UBAC1: variants seen among roughly 807,000 people sequenced by gnomAD.
UBAC1 encodes ubiquitin-associated domain-containing protein 1.
UBAC1 carries 27 observed loss-of-function variants against 45.9 expected under a neutral mutation model. That is an observed-to-expected ratio of 0.59 (90% CI 0.43 to 0.81). The LOEUF (loss-of-function observed/expected upper bound fraction) is 0.81, where lower values mean the gene tolerates loss of function less well. Ranked by LOEUF, UBAC1 falls within the 30% of genes least tolerant of loss-of-function variation. The pLI is 0.00. For synonymous variants in UBAC1, 227 were observed against 215.5 expected (o/e 1.05, Z -0.47); for missense variants, 529 against 539.2 (o/e 0.98, Z 0.19).
chr9:135,953,521 T>C (rs902439970), intron 3 of UBAC1, among the ~76,000 whole-genome samples, 159 bp downstream of exon 3: 1 of 152,146 alleles, frequency 6.6e-6, no homozygotes, highest in Non-Finnish European at 1.5e-5. Context: ...GGTTTCACCA[T>C]ATTTGCCAGG....
Position 135,961,011 on chromosome 9 carries a change from G to A in UBAC1, c.138+14C>T. The A allele has an allele frequency of 6.5e-7, 1 of 1,538,688 alleles. No homozygotes were observed. Among genetic ancestry groups the A allele is most frequent in the Non-Finnish European group, 8.7e-7 (1 of 1,146,914 alleles). ...GAGCGGGTGTTGGGGGCAGGGGAGGGGGCCCGGCCTTACGTGCTTGAGGCA... is the reference window on the plus strand; with the variant it reads ...GAGCGGGTGTTGGGGGCAGGGGAGGAGGCCCGGCCTTACGTGCTTGAGGCA... On this transcript the variant is annotated intron_variant, in intron 1 of 9. Coordinates refer to ENST00000371756, the MANE Select transcript of UBAC1 (RefSeq NM_016172.3).
chr9:135,942,591 G>A (rs1839282475), intron 7 of UBAC1, among the ~76,000 whole-genome samples: 5 of 151,068 alleles, frequency 3.3e-5, no homozygotes, highest in Admixed American at 2.6e-4. Context: ...GGTCAAGGCT[G>A]CAGTGAGCCA....
chr9:135,958,620 G>A (rs771806528), intron 1 of UBAC1, among the ~76,000 whole-genome samples: 1 of 152,214 alleles, frequency 6.6e-6, no homozygotes, highest in Non-Finnish European at 1.5e-5. Context: ...GCGTCAGCAC[G>A]CACTGGGGAC....
At chr9:135,938,455 G>A in intron 8 of UBAC1, 95 bp from the exon 9 acceptor site, 1 of 1,473,280 alleles carries the variant, frequency 6.8e-7, no homozygotes, top group Non-Finnish European at 9.1e-7. Context: ...GCACCTTTCT[G>A]TGAGTTCCTG....
intron 1 of UBAC1, among the ~76,000 whole-genome samples, chr9:135,960,247 A>T (rs1035586830): frequency 6.6e-6 from 1 of 152,204 alleles, no homozygotes; most frequent in Non-Finnish European, 1.5e-5. Context: ...GACCTTACTG[A>T]GTCCTTTAGA....
At chr9:135,944,899 TTCTC>T (rs1191469193) in intron 7 of UBAC1, 125 bp downstream of exon 7, 3 of 932,088 alleles carry the variant, frequency 3.2e-6, no homozygotes, top group African/African-American at 1.7e-5. Context: ...CTTCCCCAGC[TTCTC>T]TCTCTCCTGG....
At chr9:135,948,010 T>G in intron 3 of UBAC1, 105 bp from the exon 4 acceptor site, 2 of 1,076,114 alleles carry the variant, frequency 1.9e-6, no homozygotes, top group South Asian at 1.5e-5. Flanking sequence ...TCCGTCTCCT[T>G]TAGGAGCCAG....
intron 1 of UBAC1, among the ~76,000 whole-genome samples, chr9:135,956,236 G>C (rs955539286): frequency 2.0e-5 from 3 of 152,202 alleles, no homozygotes; most frequent in Non-Finnish European, 4.4e-5. Context: ...GGAAGTTGGA[G>C]CAGACGGCCA....
chr9:135,944,393 A>G (rs530567884), intron 7 of UBAC1, among the ~76,000 whole-genome samples: 6 of 152,330 alleles, frequency 3.9e-5, no homozygotes, highest in Admixed American at 3.9e-4. Flanking sequence ...GCCACACGAG[A>G]CGACAGCATG....
chr9:135,955,542 G>A, intron 1 of UBAC1, 127 bp from the exon 2 acceptor site: 1 of 1,055,974 alleles, frequency 9.5e-7, no homozygotes, highest in Non-Finnish European at 1.3e-6. Flanking sequence ...ATTACACCAT[G>A]GATGAAATTA....
chr9:135,957,321 C>T (rs978766562), intron 1 of UBAC1, among the ~76,000 whole-genome samples: 33 of 152,138 alleles, frequency 2.2e-4, no homozygotes, highest in African/African-American at 7.2e-4. Context: ...GACAATGGCT[C>T]TGCTCCCTGA....
chr9:135,944,145 A>T (rs1839298854), intron 7 of UBAC1, among the ~76,000 whole-genome samples: 1 of 152,224 alleles, frequency 6.6e-6, no homozygotes, highest in South Asian at 2.1e-4. Context: ...ATTTTAAAAG[A>T]AACAAAGAAA....
At position 135,938,067 on chromosome 9, in the gene UBAC1, C is replaced by T. The variant is rs77898087; in HGVS notation, c.1102+155G>A. On this transcript the variant is annotated intron_variant, in intron 9 of 9. Coordinates refer to ENST00000371756, the MANE Select transcript of UBAC1 (RefSeq NM_016172.3). ...CACAGTGACGTAGCGGGACTACACC[C>T]GCAGGATGCCAACCTGCATGGCAGG... Among the ~76,000 whole-genome samples the T allele has an allele frequency of 7.2e-3, 1,097 of 152,338 alleles. 8 individuals are homozygous for T. Among genetic ancestry groups the T allele is most frequent in the Middle Eastern group, 0.044 (13 of 294 alleles).
At position 135,945,873 on chromosome 9, in the gene UBAC1, G is replaced by A. The variant is rs757523909; in HGVS notation, c.653+16C>T. On this transcript the variant is annotated intron_variant, in intron 6 of 9. Coordinates refer to ENST00000371756, the MANE Select transcript of UBAC1 (RefSeq NM_016172.3). ...CAGGTGTCTCCGGCAAGGGAAGGAG[G>A]TGGCCCCCCACGCACTGGTTCAGCT... is the stretch of plus-strand genomic sequence containing the variant. 1 of 1,610,422 alleles carries A rather than the reference G, an allele frequency of 6.2e-7. No homozygotes were observed. The highest frequency in any genetic ancestry group is 2.2e-5 in the East Asian group (1 of 44,834).
chr9:135,952,899 G>A (rs1839423262), intron 3 of UBAC1, among the ~76,000 whole-genome samples: 1 of 152,254 alleles, frequency 6.6e-6, no homozygotes, highest in Non-Finnish European at 1.5e-5. Context: ...TGCTGAGGCT[G>A]TGCGGTGTGA....
At position 135,953,821 on chromosome 9, in the gene UBAC1, G is replaced by A. The variant is rs527957426; in HGVS notation, c.260-68C>T. ...TCATATCCACAAAATGGCATAAAGG[G>A]TGCTGGATGCCCTGAGAACAGAACA... is the stretch of plus-strand genomic sequence containing the variant. On this transcript the variant is annotated intron_variant, in intron 2 of 9. Transcript: ENST00000371756. 7.8e-6 allele frequency: 11 copies of A among 1,413,238 alleles called. No individual in the cohort carries two copies. The East Asian group carries it at 2.3e-4, about 30-fold the overall frequency. 87.5% of individuals were successfully genotyped at this position (1,413,238 alleles called of 1,614,324 possible). A position where few individuals can be genotyped will look rare whatever the true frequency, so the allele number is the denominator to read the frequency against.
intron 3 of UBAC1, among the ~76,000 whole-genome samples, chr9:135,951,978 AC>A (rs1175568361): frequency 6.6e-6 from 1 of 152,108 alleles, no homozygotes; most frequent in Non-Finnish European, 1.5e-5. Context: ...GTATGGTCAG[AC>A]CCCGCTGTTT....
chr9:135,944,112 C>A lies in UBAC1; in HGVS notation c.876+916G>T, dbSNP rs180739738. ...AAACCTGCACATCCTGCATATGTAT[C>A]CCAGAACTTAACATTAAATTAAATT... On this transcript the variant is annotated intron_variant, in intron 7 of 9. Transcript: ENST00000371756. Among the ~76,000 whole-genome samples the A allele has an allele frequency of 3.3e-4, 51 of 152,300 alleles. 1 individual carries two copies. In the East Asian group the frequency reaches 6.4e-3, roughly 19 times the overall value.
intron 5 of UBAC1, 135 bp from the exon 6 acceptor site, chr9:135,946,132 G>C (rs1649514981): frequency 9.7e-6 from 10 of 1,032,576 alleles, no homozygotes; most frequent in Non-Finnish European, 1.5e-5. Context: ...AGTTGCCGGT[G>C]AGGCAGGCCC....
Sources: allele counts gnomAD v4.1 joint callset (sites outside exome capture counted in the v4.1 genomes callset), GRCh38; gene constraint gnomAD v4.1.1; transcripts MANE v1.5; gene names NCBI Gene and HGNC (gene_info 2026-07-23, HGNC 2026-07-21).